WWOX: variants seen among roughly 807,000 people sequenced by gnomAD.
WWOX encodes WW domain-containing oxidoreductase.
Under a neutral mutation model 46.2 loss-of-function variants are expected in WWOX, and 69 were observed. The observed-to-expected ratio is 1.49, with a 90% CI of 1.23 to 1.82. The LOEUF (loss-of-function observed/expected upper bound fraction) is 1.82, where lower values mean the gene tolerates loss of function less well. WWOX is among the 40% of genes most tolerant of loss of function. The pLI, the probability that WWOX is intolerant of heterozygous loss-of-function variation, is 0.00. For missense variants in WWOX, 919 were observed against 542.6 expected, an observed-to-expected ratio of 1.69 and a Z score of -6.89; for synonymous variants, 359 against 202.6, an observed-to-expected ratio of 1.77 and a Z score of -6.56.
intron 8 of WWOX, among the ~76,000 whole-genome samples, chr16:79,105,703 C>T (rs144497605): frequency 6.6e-6 from 1 of 150,786 alleles, no homozygotes; most frequent in Non-Finnish European, 1.5e-5. Context: ...CACTCTGTCA[C>T]TCAGGCTGGA....
intron 8 of WWOX, among the ~76,000 whole-genome samples, chr16:78,879,663 A>C (rs377577379): frequency 1.8e-4 from 28 of 152,246 alleles, no homozygotes; most frequent in East Asian, 1.6e-3. Flanking sequence ...GGATCACCTA[A>C]GGTCGGGAGT....
intron 8 of WWOX, among the ~76,000 whole-genome samples, chr16:78,933,384 A>G (rs1423414244): frequency 6.6e-6 from 1 of 152,240 alleles, no homozygotes; most frequent in Non-Finnish European, 1.5e-5. Flanking sequence ...GGTTATGTTG[A>G]GCCAAGATTG....
intron 8 of WWOX, among the ~76,000 whole-genome samples, chr16:79,100,180 C>G (rs1204422473): frequency 6.6e-6 from 1 of 152,102 alleles, no homozygotes; most frequent in Non-Finnish European, 1.5e-5. Context: ...TAACTGGAAA[C>G]TATAGCCTAG....
chr16:79,134,713 G>C (rs1406378640), intron 8 of WWOX, among the ~76,000 whole-genome samples: 2 of 152,140 alleles, frequency 1.3e-5, no homozygotes, highest in Non-Finnish European at 2.9e-5. Flanking sequence ...AAGGGACTTG[G>C]GGCTCAGAGA....
intron 6 of WWOX, among the ~76,000 whole-genome samples, chr16:78,398,166 C>G (rs1039501267): frequency 6.6e-6 from 1 of 152,150 alleles, no homozygotes; most frequent in Admixed American, 6.5e-5. Flanking sequence ...CAAGTGCAAA[C>G]CCAGCCCTGA....
intron 5 of WWOX, among the ~76,000 whole-genome samples, chr16:78,331,048 T>A (rs572706511): frequency 5.3e-5 from 8 of 152,182 alleles, no homozygotes; most frequent in African/African-American, 1.9e-4. Context: ...ATGTAGTAAA[T>A]AAGATAATTT....
chr16:78,713,072 C>T (rs1030811478), intron 8 of WWOX, among the ~76,000 whole-genome samples: 1 of 151,676 alleles, frequency 6.6e-6, no homozygotes, highest in African/African-American at 2.4e-5. Context: ...GAGATCGAGA[C>T]CAGCCAGGGT....
chr16:78,533,147 T>C (rs527425924), intron 8 of WWOX, among the ~76,000 whole-genome samples: 28 of 151,990 alleles, frequency 1.8e-4, no homozygotes, highest in African/African-American at 5.8e-4. Flanking sequence ...CAACCAAAGG[T>C]TGGAGCTCAA....
chr16:79,120,234 A>C (rs778753456), intron 8 of WWOX, among the ~76,000 whole-genome samples: 10 of 151,982 alleles, frequency 6.6e-5, no homozygotes, highest in Non-Finnish European at 1.2e-4. Flanking sequence ...CTGATTGGCC[A>C]CTCCCAGATT....
At position 78,099,679 on chromosome 16, in the gene WWOX, GC is replaced by G. The variant is rs2031609981; in HGVS notation, c.-96del. On this transcript the variant is annotated 5_prime_UTR_variant, in exon 1 of 9. Transcript: ENST00000566780. ...GCAGTGCGCAGGCGTGAGCGGTCGGGCCCCGACGCGCGCGGGTCTCGTTTGG... is the reference window on the plus strand; with the variant it reads ...GCAGTGCGCAGGCGTGAGCGGTCGGGCCCGACGCGCGCGGGTCTCGTTTGG... 2.1e-6 allele frequency: 3 copies of G among 1,419,172 alleles called. No homozygotes were observed. The highest frequency in any genetic ancestry group is 2.8e-5 in the Admixed American group (1 of 35,806). 87.9% of individuals were successfully genotyped at this position (1,419,172 alleles called of 1,614,324 possible).
chr16:78,611,611 C>A (rs2045901884), intron 8 of WWOX, among the ~76,000 whole-genome samples: 1 of 152,184 alleles, frequency 6.6e-6, no homozygotes, highest in African/African-American at 2.4e-5. Flanking sequence ...ATTTTGGCAA[C>A]ATATTTGGGA....
At chr16:78,227,857 C>T (rs1391337696) in intron 5 of WWOX, among the ~76,000 whole-genome samples, 2 of 152,108 alleles carry the variant, frequency 1.3e-5, no homozygotes, top group Non-Finnish European at 1.5e-5. Flanking sequence ...GCCTGGGTGA[C>T]AGAGCGAAAC....
intron 4 of WWOX, among the ~76,000 whole-genome samples, chr16:78,122,765 C>T (rs777297538): frequency 4.0e-5 from 6 of 151,854 alleles, no homozygotes; most frequent in East Asian, 1.9e-4. Flanking sequence ...CCACTATGTC[C>T]GGCTAATTTT....
At chr16:78,823,796 AGACAG>A (rs2051572187) in intron 8 of WWOX, among the ~76,000 whole-genome samples, 1 of 148,782 alleles carries the variant, frequency 6.7e-6, no homozygotes, top group Non-Finnish European at 1.5e-5. Context: ...TTTTTTTTTA[AGACAG>A]AATCTTGTTC....
intron 4 of WWOX, among the ~76,000 whole-genome samples, chr16:78,137,352 C>T (rs1420268091): frequency 1.3e-5 from 2 of 152,198 alleles, no homozygotes; most frequent in African/African-American, 2.4e-5. Flanking sequence ...GGGCCTGGCA[C>T]AGTATCTTTC....
At chr16:78,798,112 A>C (rs1240051664) in intron 8 of WWOX, among the ~76,000 whole-genome samples, 1 of 152,162 alleles carries the variant, frequency 6.6e-6, no homozygotes, top group Non-Finnish European at 1.5e-5. Flanking sequence ...TAGCTTGCTC[A>C]TGTTATATAG....
intron 8 of WWOX, among the ~76,000 whole-genome samples, chr16:78,671,258 A>G (rs1233669999): frequency 1.3e-5 from 2 of 152,080 alleles, no homozygotes; most frequent in Non-Finnish European, 2.9e-5. Flanking sequence ...CCCCGTCTCT[A>G]CAAAAAATAC....
At chr16:78,776,709 G>A (rs1258297579) in intron 8 of WWOX, among the ~76,000 whole-genome samples, 2 of 152,128 alleles carry the variant, frequency 1.3e-5, no homozygotes, top group African/African-American at 2.4e-5. Context: ...CATGGTCGGG[G>A]AAGCCTCAGA....
At chr16:78,743,885 C>A (rs1426566794) in intron 8 of WWOX, among the ~76,000 whole-genome samples, 1 of 152,178 alleles carries the variant, frequency 6.6e-6, no homozygotes, top group African/African-American at 2.4e-5. Context: ...ATTTAAACCC[C>A]AGAAAATTCT....
Sources: gnomAD v4.1 joint callset for allele counts (sites outside exome capture counted in the v4.1 genomes callset) on GRCh38, gnomAD v4.1.1 for gene constraint, MANE v1.5 for transcripts, NCBI Gene and HGNC (gene_info 2026-07-23, HGNC 2026-07-21) for gene names.